Variants in KCNH7 observed in about 807,000 individuals in gnomAD.
KCNH7 encodes the protein voltage-gated inwardly rectifying potassium channel KCNH7.
In KCNH7, 49 loss-of-function variants were observed where a neutral mutation model predicts 120.8. The ratio of observed to expected loss-of-function variants is 0.41; its 90% CI spans 0.32 to 0.51. KCNH7 has a LOEUF of 0.51. Among genes scored for constraint, KCNH7 ranks in the 20% least tolerant of loss-of-function variants. The pLI, the probability that KCNH7 is intolerant of heterozygous loss-of-function variation, is 0.38. For synonymous variants in KCNH7, 547 were observed against 516.1 expected (o/e 1.06, Z -0.81); for missense variants, 1,097 against 1,446.6 (o/e 0.76, Z 3.92).
intron 2 of KCNH7, among the ~76,000 whole-genome samples, chr2:162,744,465 A>G (rs139515999): frequency 2.4e-4 from 37 of 152,152 alleles, no homozygotes; most frequent in African/African-American, 8.7e-4. Flanking sequence ...CTTCCCTACC[A>G]GGCAGGTATT....
intron 2 of KCNH7, among the ~76,000 whole-genome samples, chr2:162,631,775 T>G (rs1038593107): frequency 5.3e-5 from 8 of 151,896 alleles, no homozygotes; most frequent in African/African-American, 1.7e-4. Context: ...GAATTTGAAG[T>G]CAGGGAGAGT....
At chr2:162,591,841 T>C (rs1694225505) in intron 2 of KCNH7, among the ~76,000 whole-genome samples, 1 of 152,146 alleles carries the variant, frequency 6.6e-6, no homozygotes, top group African/African-American at 2.4e-5. Context: ...CAAGAGTCAA[T>C]ACACCGGTTC....
intron 15 of KCNH7, 113 bp downstream of exon 15, chr2:162,373,357 A>C: frequency 3.1e-6 from 2 of 647,964 alleles, no homozygotes; most frequent in Non-Finnish European, 4.8e-6. Context: ...GAGTAGAAAC[A>C]GAGATAGGGA....
At chr2:162,673,632 T>C (rs1033872108) in intron 2 of KCNH7, among the ~76,000 whole-genome samples, 24 of 152,084 alleles carry the variant, frequency 1.6e-4, no homozygotes, top group African/African-American at 5.1e-4. Context: ...GGGTTGCTCA[T>C]TCAGTATGGC....
At chr2:162,781,111 C>A (rs1464442409) in intron 2 of KCNH7, among the ~76,000 whole-genome samples, 1 of 151,730 alleles carries the variant, frequency 6.6e-6, no homozygotes, top group African/African-American at 2.4e-5. Flanking sequence ...AAACTGAGAA[C>A]CAGAGGTTTG....
At chr2:162,507,476 T>C (rs937370348) in intron 5 of KCNH7, among the ~76,000 whole-genome samples, 32 of 151,664 alleles carry the variant, frequency 2.1e-4, no homozygotes, top group Admixed American at 2.0e-4. Flanking sequence ...GTTTTCAGTC[T>C]CATTCTCAAA....
At chr2:162,703,889 G>A (rs944556468) in intron 2 of KCNH7, among the ~76,000 whole-genome samples, 3 of 152,078 alleles carry the variant, frequency 2.0e-5, no homozygotes, top group Admixed American at 6.6e-5. Flanking sequence ...AGAAACAGAA[G>A]ATGCTTTGAT....
intron 2 of KCNH7, among the ~76,000 whole-genome samples, chr2:162,829,445 A>C (rs79053151): frequency 0.026 from 3,926 of 152,270 alleles, 165 homozygotes; most frequent in African/African-American, 0.089. Flanking sequence ...AGAGTGTGTA[A>C]CATATTCAGT....
intron 2 of KCNH7, among the ~76,000 whole-genome samples, chr2:162,649,208 G>T (rs980881480): frequency 4.6e-5 from 7 of 152,170 alleles, no homozygotes; most frequent in Non-Finnish European, 1.0e-4. Flanking sequence ...CATGTTCTTT[G>T]TTATGCATGA....
intron 12 of KCNH7, among the ~76,000 whole-genome samples, chr2:162,392,292 G>C (rs571490628): frequency 1.3e-5 from 2 of 151,272 alleles, no homozygotes; most frequent in African/African-American, 2.4e-5. Flanking sequence ...GTGTGTGTGC[G>C]CATGTGTGTG....
At chr2:162,617,617 C>T (rs2105186249) in intron 2 of KCNH7, among the ~76,000 whole-genome samples, 1 of 152,200 alleles carries the variant, frequency 6.6e-6, no homozygotes, top group African/African-American at 2.4e-5. Context: ...TAAAGCTGAG[C>T]ATGAGTTAGG....
intron 9 of KCNH7, among the ~76,000 whole-genome samples, chr2:162,415,940 TG>T (rs1687530487): frequency 6.6e-6 from 1 of 152,190 alleles, no homozygotes; most frequent in Admixed American, 6.6e-5. Flanking sequence ...TATATATTTT[TG>T]TTTGTCTTTT....
chr2:162,777,806 A>C (rs926470422), intron 2 of KCNH7, among the ~76,000 whole-genome samples: 7 of 152,132 alleles, frequency 4.6e-5, no homozygotes, highest in African/African-American at 1.7e-4. Flanking sequence ...GAAAGAGAAT[A>C]CTATGTATTT....
chr2:162,574,417 A>G (rs1177026746), intron 2 of KCNH7, among the ~76,000 whole-genome samples: 1 of 151,878 alleles, frequency 6.6e-6, no homozygotes. Flanking sequence ...AAAAGAGAAG[A>G]ACAAAAACTC....
intron 2 of KCNH7, among the ~76,000 whole-genome samples, chr2:162,661,002 T>C (rs1324347045): frequency 6.6e-6 from 1 of 152,212 alleles, no homozygotes; most frequent in African/African-American, 2.4e-5. Flanking sequence ...TGACAAGGAA[T>C]CTATCTTACA....
chr2:162,675,557 G>A (rs1204280355), intron 2 of KCNH7, among the ~76,000 whole-genome samples: 1 of 151,410 alleles, frequency 6.6e-6, no homozygotes, highest in Non-Finnish European at 1.5e-5. Context: ...ATACACTATT[G>A]ATACACACAT....
At chr2:162,472,083 T>C (rs1226497709) in intron 6 of KCNH7, among the ~76,000 whole-genome samples, 12 of 152,068 alleles carry the variant, frequency 7.9e-5, no homozygotes, top group Non-Finnish European at 1.6e-4. Context: ...ATACAAAAAT[T>C]AATTCAAGAT....
At chr2:162,524,568 G>A (rs1691638199) in intron 3 of KCNH7, among the ~76,000 whole-genome samples, 1 of 151,972 alleles carries the variant, frequency 6.6e-6, no homozygotes, top group African/African-American at 2.4e-5. Flanking sequence ...CACAAAATAA[G>A]GATGTGTGAA....
chr2:162,665,944 C>T (rs1685116851), intron 2 of KCNH7, among the ~76,000 whole-genome samples: 1 of 152,104 alleles, frequency 6.6e-6, no homozygotes, highest in South Asian at 2.1e-4. Flanking sequence ...TAGTATTTTG[C>T]ACAGCATGGT....
Sources: allele counts gnomAD v4.1 joint callset (sites outside exome capture counted in the v4.1 genomes callset), GRCh38; gene constraint gnomAD v4.1.1; transcripts MANE v1.5; gene names NCBI Gene and HGNC (gene_info 2026-07-23, HGNC 2026-07-21).